The following PPARGC1A variants were observed in gnomAD, a reference collection of about 807,000 sequenced individuals.
PPARGC1A encodes the protein peroxisome proliferator-activated receptor gamma coactivator 1-alpha.
In PPARGC1A, 25 loss-of-function variants were observed where a neutral mutation model predicts 88.7. The observed-to-expected ratio is 0.28, with a 90% CI of 0.21 to 0.39. The LOEUF (loss-of-function observed/expected upper bound fraction) is 0.39, where lower values mean the gene tolerates loss of function less well. Among genes scored for constraint, PPARGC1A ranks in the 10% least tolerant of loss-of-function variants. PPARGC1A has a pLI of 1.00. For synonymous variants in PPARGC1A, 363 were observed against 355.6 expected, an observed-to-expected ratio of 1.02 and a Z score of -0.24; for missense variants, 880 against 968.7, an observed-to-expected ratio of 0.91 and a Z score of 1.22.
the PPARGC1A span, among the ~76,000 whole-genome samples, chr4:24,230,887 T>C: frequency 6.7e-6 from 1 of 150,372 alleles, no homozygotes; most frequent in Non-Finnish European, 1.5e-5. Flanking sequence ...CTGGGAGTTG[T>C]TGACTAAGGG....
At chr4:24,443,836 G>A in the PPARGC1A span, among the ~76,000 whole-genome samples, 1 of 148,438 alleles carries the variant, frequency 6.7e-6, no homozygotes, top group African/African-American at 2.5e-5. Flanking sequence ...TTACAGGCTT[G>A]AGCCACCGCG....
chr4:24,351,231 TAA>T, the PPARGC1A span, among the ~76,000 whole-genome samples: 29,845 of 146,538 alleles, frequency 0.2, 3,029 homozygotes, highest in South Asian at 0.23. Flanking sequence ...CCCTTGTATT[TAA>T]AAAAAAAAAA....
chr4:24,420,635 T>C, the PPARGC1A span, among the ~76,000 whole-genome samples: 1 of 152,188 alleles, frequency 6.6e-6, no homozygotes, highest in East Asian at 1.9e-4. Flanking sequence ...CCTGCTGAGA[T>C]CCACCCTAGA....
At chr4:24,004,342 A>G in the PPARGC1A span, among the ~76,000 whole-genome samples, 3 of 152,238 alleles carry the variant, frequency 2.0e-5, no homozygotes, top group African/African-American at 7.2e-5. Context: ...ACTGAGAAAC[A>G]GAAAAAACAC....
chr4:23,913,305 GAGAA>G, the PPARGC1A span, among the ~76,000 whole-genome samples: 16 of 126,856 alleles, frequency 1.3e-4, no homozygotes, highest in East Asian at 2.4e-4. Flanking sequence ...GAGAGAGAGA[GAGAA>G]AGAGAAAATC....
chr4:24,411,581 G>C, the PPARGC1A span, among the ~76,000 whole-genome samples: 4 of 152,150 alleles, frequency 2.6e-5, no homozygotes, highest in African/African-American at 9.7e-5. Context: ...CATTCTCTGG[G>C]TTTTGACAAA....
At chr4:24,207,630 GCAAT>G in the PPARGC1A span, among the ~76,000 whole-genome samples, 6 of 152,206 alleles carry the variant, frequency 3.9e-5, no homozygotes, top group African/African-American at 1.4e-4. Flanking sequence ...TATTGCTGCT[GCAAT>G]CAATTTTCTC....
At chr4:24,255,625 T>G in the PPARGC1A span, among the ~76,000 whole-genome samples, 7 of 152,204 alleles carry the variant, frequency 4.6e-5, no homozygotes, top group Non-Finnish European at 7.3e-5. Context: ...CTGTATTTTC[T>G]CAACGTAAAT....
the PPARGC1A span, among the ~76,000 whole-genome samples, chr4:24,460,439 G>A: frequency 2.0e-5 from 3 of 152,168 alleles, no homozygotes; most frequent in East Asian, 5.8e-4. Context: ...CCAAAATTCT[G>A]GGAAAATAAA....
the PPARGC1A span, among the ~76,000 whole-genome samples, chr4:24,387,858 AAGAGAGAAAGGAAGAAAG>A: frequency 4.5e-5 from 6 of 132,050 alleles, no homozygotes; most frequent in East Asian, 5.1e-4. Flanking sequence ...GAAAGAGAGA[AAGAGAGAAAGGAAGAAAG>A]AGAAAGAAAG....
At chr4:24,006,036 GTGTTGT>G in the PPARGC1A span, among the ~76,000 whole-genome samples, 1 of 152,056 alleles carries the variant, frequency 6.6e-6, no homozygotes, top group South Asian at 2.1e-4. Flanking sequence ...TTTTGTTTTT[GTGTTGT>G]TGTTGTTGGT....
the PPARGC1A span, among the ~76,000 whole-genome samples, chr4:24,058,298 A>C: frequency 8.5e-5 from 13 of 152,286 alleles, no homozygotes; most frequent in East Asian, 2.1e-3. Context: ...AAAAGAATAA[A>C]ATTTTTAAAG....
the PPARGC1A span, among the ~76,000 whole-genome samples, chr4:23,950,044 A>T: frequency 1.3e-5 from 2 of 152,304 alleles, no homozygotes; most frequent in East Asian, 3.9e-4. Context: ...CAAGGTATAA[A>T]GCACTTGGGC....
chr4:24,328,194 C>T, the PPARGC1A span, among the ~76,000 whole-genome samples: 1 of 152,030 alleles, frequency 6.6e-6, no homozygotes, highest in Non-Finnish European at 1.5e-5. Flanking sequence ...GTGGTCTCTT[C>T]ACACGGACGC....
chr4:24,425,417 A>G, the PPARGC1A span, among the ~76,000 whole-genome samples: 1,961 of 152,330 alleles, frequency 0.013, 40 homozygotes, highest in African/African-American at 0.044. Context: ...CACCCAGGGT[A>G]TAATTTATCC....
the PPARGC1A span, among the ~76,000 whole-genome samples, chr4:24,368,500 G>C: frequency 2.0e-5 from 3 of 151,988 alleles, no homozygotes; most frequent in African/African-American, 7.3e-5. Flanking sequence ...GTCTGAAGCT[G>C]GGTACCTAAG....
At chr4:23,988,253 G>A in the PPARGC1A span, among the ~76,000 whole-genome samples, 1 of 152,054 alleles carries the variant, frequency 6.6e-6, no homozygotes, top group African/African-American at 2.4e-5. Flanking sequence ...ACATATGTGT[G>A]CATCTGTCTT....
At chr4:24,466,324 T>C in the PPARGC1A span, among the ~76,000 whole-genome samples, 2 of 152,230 alleles carry the variant, frequency 1.3e-5, no homozygotes, top group Non-Finnish European at 2.9e-5. Context: ...AATGACACCA[T>C]TGCCAAACTT....
the PPARGC1A span, among the ~76,000 whole-genome samples, chr4:24,402,839 A>G: frequency 6.6e-6 from 1 of 152,242 alleles, no homozygotes; most frequent in South Asian, 2.1e-4. Context: ...CTATGTGCTC[A>G]GCTCTATGCT....
Sources: allele counts gnomAD v4.1 joint callset (sites outside exome capture counted in the v4.1 genomes callset), GRCh38; gene constraint gnomAD v4.1.1; transcripts MANE v1.5; gene names NCBI Gene and HGNC (gene_info 2026-07-23, HGNC 2026-07-21).